Variants in RABGEF1 observed in about 807,000 individuals in gnomAD.
The protein encoded by RABGEF1 is rab5 GDP/GTP exchange factor.
Under a neutral mutation model 57.3 loss-of-function variants are expected in RABGEF1, and 26 were observed. The observed-to-expected ratio is 0.45, with a 90% CI of 0.33 to 0.63. RABGEF1 has a LOEUF of 0.63. Among genes scored for constraint, RABGEF1 ranks in the 20% least tolerant of loss-of-function variants. The probability of loss-of-function intolerance (pLI) is 0.02; values close to 1 mark genes in which losing one functional copy is unlikely to be tolerated. For synonymous variants in RABGEF1, 185 were observed against 210.7 expected (o/e 0.88, Z 1.06); for missense variants, 464 against 607.6 (o/e 0.76, Z 2.48).
At position 66,747,328 on chromosome 7, in the gene RABGEF1, C is replaced by A. The variant is rs144734019; in HGVS notation, c.-18+6536C>A. ...TGAAATCTCTGAAGCAGGAATGTAA[C>A]AAGAGTTTTGAGGGCTCTAAATTCT... On this transcript the variant is annotated intron_variant, in intron 1 of 8. Coordinates refer to ENST00000284957, the MANE Select transcript of RABGEF1 (RefSeq NM_014504.3). Among the ~76,000 whole-genome samples the A allele has an allele frequency of 2.5e-3, 375 of 152,248 alleles. 4 individuals carry two copies. The highest frequency in any genetic ancestry group is 0.024 in the South Asian group (116 of 4,828).
chr7:66,788,716 C>T (rs866495563), intron 4 of RABGEF1, among the ~76,000 whole-genome samples: 4 of 152,104 alleles, frequency 2.6e-5, no homozygotes, highest in East Asian at 1.9e-4. Context: ...CAGTGGCTCA[C>T]GCTTGTAATC....
intron 8 of RABGEF1, 119 bp downstream of exon 8, chr7:66,805,515 C>T (rs1198908360): frequency 1.4e-6 from 2 of 1,435,756 alleles, no homozygotes; most frequent in East Asian, 2.3e-5. Context: ...GGCAGCATGG[C>T]TGAGGAAGCT....
intron 1 of RABGEF1, among the ~76,000 whole-genome samples, chr7:66,759,339 G>A (rs761861841): frequency 1.3e-5 from 2 of 152,154 alleles, no homozygotes; most frequent in South Asian, 4.1e-4. Context: ...GTTAAGATTC[G>A]AAGCGTCTTC....
At chr7:66,769,806 C>T (rs1310836134) in intron 1 of RABGEF1, among the ~76,000 whole-genome samples, 1 of 152,226 alleles carries the variant, frequency 6.6e-6, no homozygotes. Context: ...TTTAAAAAGC[C>T]ATCATGATTT....
the RABGEF1 span, among the ~76,000 whole-genome samples, chr7:66,676,181 G>A: frequency 3.3e-5 from 5 of 152,222 alleles, no homozygotes; most frequent in South Asian, 4.2e-4. Context: ...TTAGCCAGGA[G>A]TGGTGGCCCG....
At chr7:66,790,867 G>T (rs1290241380) in intron 4 of RABGEF1, among the ~76,000 whole-genome samples, 1 of 152,224 alleles carries the variant, frequency 6.6e-6, no homozygotes, top group Non-Finnish European at 1.5e-5. Context: ...GTCTTCTAGA[G>T]TTCATGAATC....
chr7:66,750,968 G>C (rs1308360419), intron 1 of RABGEF1, among the ~76,000 whole-genome samples: 10 of 151,592 alleles, frequency 6.6e-5, no homozygotes, highest in African/African-American at 2.4e-4. Flanking sequence ...TAGAATTTCA[G>C]TTTGACACAA....
At chr7:66,787,555 G>A (rs1339339161) in intron 4 of RABGEF1, among the ~76,000 whole-genome samples, 1 of 151,326 alleles carries the variant, frequency 6.6e-6, no homozygotes, top group Admixed American at 6.6e-5. Context: ...CTGTTAGCCA[G>A]GCTGGTCATG....
At chr7:66,738,923 C>A (rs1265474531), upstream of RABGEF1, among the ~76,000 whole-genome samples, 3 of 152,060 alleles carry the variant, frequency 2.0e-5, no homozygotes, top group Non-Finnish European at 4.4e-5. Context: ...CCTCCTCCAC[C>A]TCCTCAGCAC....
At chr7:66,776,461 G>A (rs144732668) in intron 3 of RABGEF1, among the ~76,000 whole-genome samples, 161 of 152,330 alleles carry the variant, frequency 1.1e-3, no homozygotes, top group African/African-American at 3.6e-3. Flanking sequence ...GGGAGGCCAA[G>A]ACAGATGGAT....
intron 1 of RABGEF1, among the ~76,000 whole-genome samples, chr7:66,709,377 G>T (rs183679797): frequency 6.6e-6 from 1 of 152,254 alleles, no homozygotes; most frequent in African/African-American, 2.4e-5. Flanking sequence ...ATGGAAATAA[G>T]AGTATTGTAA....
chr7:66,747,802 A>G (rs538547730), intron 1 of RABGEF1, among the ~76,000 whole-genome samples: 2 of 152,304 alleles, frequency 1.3e-5, no homozygotes, highest in Admixed American at 1.3e-4. Flanking sequence ...ATTGTGCTAT[A>G]ATTTTTTTCA....
the RABGEF1 span, among the ~76,000 whole-genome samples, chr7:66,657,162 A>T: frequency 6.6e-6 from 1 of 152,238 alleles, no homozygotes; most frequent in Non-Finnish European, 1.5e-5. Flanking sequence ...GGTCATATGC[A>T]GACACCAACC....
chr7:66,660,216 C>T, the RABGEF1 span, among the ~76,000 whole-genome samples: 8 of 151,902 alleles, frequency 5.3e-5, no homozygotes, highest in South Asian at 2.1e-4. Flanking sequence ...GGTGTGGTGG[C>T]GGGCGCCTGT....
intron 7 of RABGEF1, 33 bp downstream of exon 7, chr7:66,799,447 G>A (rs771919665): frequency 1.9e-5 from 28 of 1,495,210 alleles, no homozygotes; most frequent in Non-Finnish European, 2.3e-5. Context: ...TTATTGGGAT[G>A]TTTTCCCCTT....
the RABGEF1 span, among the ~76,000 whole-genome samples, chr7:66,675,026 A>G: frequency 6.6e-6 from 1 of 152,136 alleles, no homozygotes; most frequent in African/African-American, 2.4e-5. Context: ...ATTATACCTA[A>G]TAATAGTAAT....
At chr7:66,679,040 T>C (rs1462874860), upstream of RABGEF1, among the ~76,000 whole-genome samples, 1 of 152,200 alleles carries the variant, frequency 6.6e-6, no homozygotes, top group African/African-American at 2.4e-5. Flanking sequence ...AGTCAGACTT[T>C]CCAGCATCCG....
chr7:66,670,432 GATTTTTTTTTTT>G, the RABGEF1 span, among the ~76,000 whole-genome samples: 128 of 100,730 alleles, frequency 1.3e-3, no homozygotes, highest in African/African-American at 3.3e-3. Context: ...TGAATGAGAT[GATTTTTTTTTTT>G]TTTTTTTTTT....
upstream of RABGEF1, among the ~76,000 whole-genome samples, chr7:66,737,426 G>A (rs866042469): frequency 2.0e-5 from 3 of 149,630 alleles, no homozygotes; most frequent in Non-Finnish European, 2.9e-5. Flanking sequence ...GCTATCCTAC[G>A]CAATACGAGA....
Sources: allele counts gnomAD v4.1 joint callset (sites outside exome capture counted in the v4.1 genomes callset), GRCh38; gene constraint gnomAD v4.1.1; transcripts MANE v1.5; gene names NCBI Gene and HGNC (gene_info 2026-07-23, HGNC 2026-07-21).